Variants in LINGO1 observed in about 807,000 individuals in gnomAD.
LINGO1 encodes leucine rich repeat and Ig domain containing 1, also known as leucine-rich repeat and immunoglobulin-like domain-containing nogo receptor-interacting protein 1.
A neutral mutation model predicts 37.3 loss-of-function variants in LINGO1; 11 were observed. The ratio of observed to expected loss-of-function variants is 0.29; its 90% confidence interval spans 0.19 to 0.49. The LOEUF is 0.49. LINGO1 is among the 20% of genes least tolerant of loss of function. The probability of loss-of-function intolerance (pLI) is 0.99; values close to 1 mark genes in which losing one functional copy is unlikely to be tolerated. For missense variants in LINGO1, 585 were observed against 878.2 expected (o/e 0.67, Z 4.22); for synonymous variants, 387 against 403.0 (o/e 0.96, Z 0.48).
At chr15:77,621,710 G>T (rs1306072352) in intron 1 of LINGO1, among the ~76,000 whole-genome samples, 1 of 152,150 alleles carries the variant, frequency 6.6e-6, no homozygotes. Flanking sequence ...CAGAAAACGG[G>T]GTGTTACACG....
intron 1 of LINGO1, among the ~76,000 whole-genome samples, chr15:77,782,243 ACACG>A (rs2076726542): frequency 7.3e-6 from 1 of 136,778 alleles, no homozygotes; most frequent in Non-Finnish European, 1.6e-5. Flanking sequence ...ACACACACAC[ACACG>A]TGCCCGCATA....
chr15:77,763,665 T>G (rs2076499924), intron 1 of LINGO1, among the ~76,000 whole-genome samples: 1 of 152,010 alleles, frequency 6.6e-6, no homozygotes, highest in Non-Finnish European at 1.5e-5. Flanking sequence ...TTACCTGCAT[T>G]ATCTAACTCA....
At chr15:77,687,391 G>T (rs1201058828) in intron 2 of LINGO1, among the ~76,000 whole-genome samples, 1 of 152,136 alleles carries the variant, frequency 6.6e-6, no homozygotes, top group Non-Finnish European at 1.5e-5. Context: ...AAAAGCCCAG[G>T]ACTCTCTACC....
intron 1 of LINGO1, among the ~76,000 whole-genome samples, chr15:77,767,031 T>G (rs943370158): frequency 6.6e-6 from 1 of 151,898 alleles, no homozygotes; most frequent in Non-Finnish European, 1.5e-5. Context: ...TTAACTGGGG[T>G]TCCAGAAAAT....
intron 3 of LINGO1, among the ~76,000 whole-genome samples, chr15:77,647,149 C>T (rs754107015): frequency 3.9e-5 from 6 of 152,090 alleles, no homozygotes; most frequent in Non-Finnish European, 8.8e-5. Context: ...TTTACACGCA[C>T]TCCCACTGAG....
chr15:77,619,446 A>T (rs2073849256), intron 1 of LINGO1, among the ~76,000 whole-genome samples: 1 of 152,056 alleles, frequency 6.6e-6, no homozygotes, highest in South Asian at 2.1e-4. Context: ...GCTACTCAGG[A>T]GGTTGAGGCA....
chr15:77,789,582 G>T (rs554028951), upstream of LINGO1, among the ~76,000 whole-genome samples: 1 of 152,272 alleles, frequency 6.6e-6, no homozygotes, highest in South Asian at 2.1e-4. Flanking sequence ...ACTCCAGCCT[G>T]GGTGACAGAG....
At chr15:77,680,576 T>C (rs2141226055) in intron 2 of LINGO1, among the ~76,000 whole-genome samples, 1 of 152,240 alleles carries the variant, frequency 6.6e-6, no homozygotes, top group South Asian at 2.1e-4. Context: ...GGTCCTGCAA[T>C]GGGCTCCACC....
intron 1 of LINGO1, among the ~76,000 whole-genome samples, chr15:77,741,663 G>T (rs1286316317): frequency 1.3e-5 from 2 of 152,208 alleles, no homozygotes; most frequent in East Asian, 3.9e-4. Flanking sequence ...TTGACCTTGT[G>T]GTTCCGCAGA....
chr15:77,697,561 GTTCACTCATTCA>G (rs201593326), upstream of LINGO1, among the ~76,000 whole-genome samples: 12,634 of 152,060 alleles, frequency 0.083, 595 homozygotes, highest in Middle Eastern at 0.13. Context: ...GGAGCTGCCA[GTTCACTCATTCA>G]TTCACTCATT....
intron 2 of LINGO1, among the ~76,000 whole-genome samples, chr15:77,734,255 A>T (rs7174547): frequency 0.13 from 19,581 of 152,008 alleles, 1,669 homozygotes; most frequent in African/African-American, 0.24. Context: ...GGTAAGGCTG[A>T]CTCGGAAGAG....
intron 2 of LINGO1, among the ~76,000 whole-genome samples, chr15:77,716,016 T>C (rs897634587): frequency 1.3e-5 from 2 of 152,210 alleles, no homozygotes; most frequent in Non-Finnish European, 2.9e-5. Flanking sequence ...ATACTTAACA[T>C]GCATTTACTA....
At chr15:77,698,696 C>A (rs138009925), upstream of LINGO1, among the ~76,000 whole-genome samples, 382 of 152,266 alleles carry the variant, frequency 2.5e-3, 3 homozygotes, top group Non-Finnish European at 2.2e-3. Flanking sequence ...GAGAGGCTGA[C>A]CTTCATGGGC....
chr15:77,657,637 G>A lies in LINGO1; in HGVS notation c.-13+19452C>T, dbSNP rs542150211. On this transcript the variant is annotated intron_variant, in intron 3 of 3. Coordinates refer to the LINGO1 transcript ENST00000559893. ...CACACAGCGAGCCTGGGGTAAAGCCGGGCCCAGAAGTAGGTCCCCTGCCTC... is the reference window on the plus strand; with the variant it reads ...CACACAGCGAGCCTGGGGTAAAGCCAGGCCCAGAAGTAGGTCCCCTGCCTC... Among the ~76,000 whole-genome samples the A allele has an allele frequency of 1.8e-4, 27 of 152,192 alleles. No individual in the cohort carries two copies. The South Asian group carries it at 2.9e-3, about 16-fold the overall frequency.
chr15:77,645,755 G>A (rs1322016732), intron 3 of LINGO1, among the ~76,000 whole-genome samples: 2 of 152,254 alleles, frequency 1.3e-5, no homozygotes, highest in East Asian at 1.9e-4. Context: ...GGCCTTTCCT[G>A]AAGCCAGCCG....
upstream of LINGO1, among the ~76,000 whole-genome samples, chr15:77,790,751 C>A (rs1332021081): frequency 6.6e-6 from 1 of 152,150 alleles, no homozygotes; most frequent in African/African-American, 2.4e-5. Context: ...ATAGCTCCTG[C>A]CCCATGTGGA....
At chr15:77,677,669 T>C (rs903513988) in intron 2 of LINGO1, among the ~76,000 whole-genome samples, 2 of 151,768 alleles carry the variant, frequency 1.3e-5, no homozygotes, top group Non-Finnish European at 2.9e-5. Flanking sequence ...CACCCCCAGC[T>C]CTCCCGCCTC....
intron 1 of LINGO1, among the ~76,000 whole-genome samples, chr15:77,757,308 C>A (rs1264313662): frequency 6.6e-6 from 1 of 152,198 alleles, no homozygotes; most frequent in Non-Finnish European, 1.5e-5. Flanking sequence ...AATCTGAGCC[C>A]CCAGAACAAG....
At chr15:77,671,114 T>G (rs563735276) in intron 3 of LINGO1, among the ~76,000 whole-genome samples, 1 of 152,214 alleles carries the variant, frequency 6.6e-6, no homozygotes, top group South Asian at 2.1e-4. Context: ...TTGCAGCACC[T>G]CTGGGAGGGT....
Sources: gnomAD v4.1 joint callset for allele counts (sites outside exome capture counted in the v4.1 genomes callset) on GRCh38, gnomAD v4.1.1 for gene constraint, MANE v1.5 for transcripts, NCBI Gene and HGNC (gene_info 2026-07-23, HGNC 2026-07-21) for gene names.